The following CSRNP3 variants were observed in gnomAD, a reference collection of about 807,000 sequenced individuals.
The protein encoded by CSRNP3 is cysteine and serine rich nuclear protein 3, also known as cysteine/serine-rich nuclear protein 3.
CSRNP3 carries 12 observed loss-of-function variants against 48.0 expected under a neutral mutation model. That is an observed-to-expected ratio of 0.25 (90% CI 0.16 to 0.41). The LOEUF (loss-of-function observed/expected upper bound fraction) is 0.41, where lower values mean the gene tolerates loss of function less well. CSRNP3 is among the 10% of genes least tolerant of loss of function. CSRNP3 has a pLI of 1.00. For missense variants in CSRNP3, 580 were observed against 724.4 expected (o/e 0.80, Z 2.29); for synonymous variants, 263 against 269.7 (o/e 0.98, Z 0.24).
intron 3 of CSRNP3, among the ~76,000 whole-genome samples, chr2:165,541,486 A>G (rs557267238): frequency 6.6e-6 from 1 of 152,006 alleles, no homozygotes; most frequent in African/African-American, 2.4e-5. Context: ...AGGTCTCTCT[A>G]CCACATAATG....
intron 3 of CSRNP3, among the ~76,000 whole-genome samples, chr2:165,564,920 G>T (rs1228924437): frequency 6.6e-6 from 1 of 151,892 alleles, no homozygotes; most frequent in Non-Finnish European, 1.5e-5. Flanking sequence ...TAGTAAATTG[G>T]AGTGATGTAG....
intron 6 of CSRNP3, 52 bp downstream of exon 6, chr2:165,676,660 C>T (rs763485784): frequency 2.6e-6 from 4 of 1,526,026 alleles, no homozygotes; most frequent in African/African-American, 1.4e-5. Context: ...TCTACCACCC[C>T]CTAAGGAGGC....
In CSRNP3 at chr2:165,679,730, G is replaced by GT. The variant is rs1395249573; in HGVS notation, c.1736dup (p.Val580GlyfsTer2). 1 of 1,613,528 alleles carries GT rather than the reference G, an allele frequency of 6.2e-7. No homozygotes were observed. The highest frequency in any genetic ancestry group is 8.5e-7 in the Non-Finnish European group (1 of 1,179,738). On this transcript the variant is annotated frameshift_variant, in exon 7 of 7. Coordinates refer to ENST00000651982, the MANE Select transcript of CSRNP3 (RefSeq NM_001172173.2). LOFTEE classifies it high-confidence loss of function. ...GCATGAAGAGTGCATCAAATCACCC[G>GT]TGGTTGAGACAGTCCCTGTTTAGTA...
chr2:165,526,594 C>A (rs542831898), intron 3 of CSRNP3, among the ~76,000 whole-genome samples: 1 of 152,252 alleles, frequency 6.6e-6, no homozygotes, highest in South Asian at 2.1e-4. Context: ...ATATAGCATA[C>A]TGAGAGAGCA....
intron 3 of CSRNP3, among the ~76,000 whole-genome samples, chr2:165,528,936 G>A (rs1372294349): frequency 6.6e-6 from 1 of 152,192 alleles, no homozygotes; most frequent in Non-Finnish European, 1.5e-5. Flanking sequence ...CCAAGCCATA[G>A]CTGTGGACTT....
intron 4 of CSRNP3, among the ~76,000 whole-genome samples, chr2:165,624,379 G>A (rs966443612): frequency 2.6e-5 from 4 of 152,282 alleles, no homozygotes; most frequent in South Asian, 2.1e-4. Context: ...GAGGGCTTCC[G>A]TCAGGCCAGT....
intron 3 of CSRNP3, among the ~76,000 whole-genome samples, chr2:165,580,013 C>T (rs1337138755): frequency 6.7e-6 from 1 of 150,330 alleles, no homozygotes; most frequent in East Asian, 2.0e-4. Context: ...ACCGCAAGCT[C>T]CACCTCCCGG....
In CSRNP3 at chr2:165,514,655, C is replaced by T. The variant is rs146816187; in HGVS notation, c.-112-3218C>T. On this transcript the variant is annotated intron_variant, in intron 2 of 6. Transcript: ENST00000651982. ...TTGTGCACAGAACAGGCATTAAGCA[C>T]CAGATCCCCAATACTTGGACCTTTG... is the stretch of plus-strand genomic sequence containing the variant. 3.3e-5 allele frequency among the ~76,000 whole-genome samples: 5 copies of T among 152,336 alleles called. No individual in the cohort carries two copies. The East Asian group carries it at 7.7e-4, about 24-fold the overall frequency.
At chr2:165,647,861 C>T (rs888675737) in intron 4 of CSRNP3, among the ~76,000 whole-genome samples, 1 of 152,046 alleles carries the variant, frequency 6.6e-6, no homozygotes, top group African/African-American at 2.4e-5. Context: ...TAGGCTGTTA[C>T]GATGTTCTGT....
At chr2:165,482,783 C>A (rs1684064637) in intron 1 of CSRNP3, among the ~76,000 whole-genome samples, 1 of 152,114 alleles carries the variant, frequency 6.6e-6, no homozygotes, top group Non-Finnish European at 1.5e-5. Flanking sequence ...TTAGGAGTTT[C>A]CCTCCAGCCT....
At chr2:165,557,856 C>A (rs1170832614) in intron 3 of CSRNP3, among the ~76,000 whole-genome samples, 1 of 152,128 alleles carries the variant, frequency 6.6e-6, no homozygotes, top group Non-Finnish European at 1.5e-5. Context: ...ATGTAGCCTG[C>A]ATTTATTAAA....
chr2:165,596,703 G>T (rs1327515780), intron 4 of CSRNP3, among the ~76,000 whole-genome samples: 1 of 151,332 alleles, frequency 6.6e-6, no homozygotes, highest in African/African-American at 2.4e-5. Flanking sequence ...CTCAGAAGAA[G>T]AGATGTATTT....
At chr2:165,499,804 A>T (rs1574806271) in intron 2 of CSRNP3, among the ~76,000 whole-genome samples, 1 of 152,166 alleles carries the variant, frequency 6.6e-6, no homozygotes, top group East Asian at 1.9e-4. Context: ...CTTTTTAATG[A>T]CATTTAATTT....
chr2:165,482,033 A>G (rs1426852009), intron 1 of CSRNP3, among the ~76,000 whole-genome samples: 1 of 152,116 alleles, frequency 6.6e-6, no homozygotes. Context: ...TGTGACATAC[A>G]ATTTACACAT....
chr2:165,631,155 T>C (rs1686528448), intron 4 of CSRNP3, among the ~76,000 whole-genome samples: 1 of 152,224 alleles, frequency 6.6e-6, no homozygotes, highest in Non-Finnish European at 1.5e-5. Context: ...AAATCACTGG[T>C]TCTTGGTAAA....
chr2:165,538,754 T>G (rs1684915560), intron 3 of CSRNP3, among the ~76,000 whole-genome samples: 1 of 151,934 alleles, frequency 6.6e-6, no homozygotes, highest in African/African-American at 2.4e-5. Context: ...AATGAAATTA[T>G]TTATCTTTGC....
intron 3 of CSRNP3, among the ~76,000 whole-genome samples, chr2:165,579,500 G>T (rs1422719543): frequency 1.3e-5 from 2 of 152,086 alleles, no homozygotes; most frequent in Non-Finnish European, 2.9e-5. Context: ...AATTAAGGCA[G>T]TAGTTATTCA....
intron 4 of CSRNP3, among the ~76,000 whole-genome samples, chr2:165,647,753 A>G (rs759891349): frequency 6.6e-5 from 10 of 152,206 alleles, no homozygotes; most frequent in African/African-American, 1.7e-4. Context: ...AGTAAATTAC[A>G]TAAGATATTC....
intron 2 of CSRNP3, among the ~76,000 whole-genome samples, chr2:165,496,424 G>A (rs1388302498): frequency 6.6e-6 from 1 of 151,998 alleles, no homozygotes; most frequent in Non-Finnish European, 1.5e-5. Flanking sequence ...TATCTAAAAC[G>A]CCTAGAAGAG....
Sources: allele counts gnomAD v4.1 joint callset (sites outside exome capture counted in the v4.1 genomes callset), GRCh38; gene constraint gnomAD v4.1.1; transcripts MANE v1.5; gene names NCBI Gene and HGNC (gene_info 2026-07-23, HGNC 2026-07-21).